The following ZC3HAV1L variants were observed in gnomAD, a reference collection of about 807,000 sequenced individuals.
ZC3HAV1L encodes zinc finger CCCH-type antiviral protein 1-like.
A neutral mutation model predicts 28.2 loss-of-function variants in ZC3HAV1L; 23 were observed. The observed-to-expected ratio is 0.82, with a 90% confidence interval of 0.59 to 1.16. The LOEUF is 1.16. Ranked by LOEUF, ZC3HAV1L falls within the 50% of genes most tolerant of loss-of-function variation. The pLI is 0.00. For synonymous variants in ZC3HAV1L, 180 were observed against 163.4 expected, an observed-to-expected ratio of 1.10 and a Z score of -0.78; for missense variants, 376 against 387.7, an observed-to-expected ratio of 0.97 and a Z score of 0.25.
chr7:139,024,270 T>C (rs1343055428), downstream of ZC3HAV1L, among the ~76,000 whole-genome samples: 4 of 152,102 alleles, frequency 2.6e-5, no homozygotes, highest in Non-Finnish European at 4.4e-5. Context: ...AAGATTAAAG[T>C]AGACTATTAT....
chr7:139,028,952 C>CA lies in ZC3HAV1L; in HGVS notation c.509dup (p.Leu170PhefsTer18), dbSNP rs776664474. Reference sequence around the variant, plus strand: ...ACAGGGCTTCCCCTTTGTTGTAGAGCAAACAGACCTGGTACAGAAATGAGG... The same window carrying CA: ...ACAGGGCTTCCCCTTTGTTGTAGAGCAAAACAGACCTGGTACAGAAATGAGG... On this transcript the variant is annotated frameshift_variant, in exon 3 of 5. Coordinates refer to ENST00000275766, the MANE Select transcript of ZC3HAV1L (RefSeq NM_080660.4). LOFTEE classifies it high-confidence loss of function. 19 of 1,612,802 alleles carry CA rather than the reference C, an allele frequency of 1.2e-5. No individual in the cohort carries two copies. The highest frequency in any genetic ancestry group is 1.6e-5 in the Non-Finnish European group (19 of 1,179,138).
downstream of ZC3HAV1L, among the ~76,000 whole-genome samples, chr7:139,024,351 A>C (rs575191044): frequency 5.3e-5 from 8 of 152,330 alleles, no homozygotes; most frequent in East Asian, 1.3e-3. Context: ...CATAATGATA[A>C]GATATAAAAA....
At chr7:139,032,529 CAGA>C (rs1460486061) in intron 2 of ZC3HAV1L, among the ~76,000 whole-genome samples, 1 of 126,276 alleles carries the variant, frequency 7.9e-6, no homozygotes, top group Non-Finnish European at 1.8e-5. Flanking sequence ...GAGGCTGAGG[CAGA>C]AGAATGGCAT....
chr7:139,030,830 A>AT (rs956321276), intron 2 of ZC3HAV1L, among the ~76,000 whole-genome samples: 6 of 49,946 alleles, frequency 1.2e-4, no homozygotes, highest in East Asian at 3.0e-4. Flanking sequence ...AAAAATAATA[A>AT]TAATTAATTA....
chr7:139,030,406 T>C (rs11772499), intron 2 of ZC3HAV1L, among the ~76,000 whole-genome samples: 73,711 of 151,796 alleles, frequency 0.49, 18,377 homozygotes, highest in Non-Finnish European at 0.53. Context: ...GATTGTGCCA[T>C]TGCACTCCAG....
At chr7:139,034,256 G>T in intron 2 of ZC3HAV1L, 1 of 854,202 alleles carries the variant, frequency 1.2e-6, no homozygotes, top group Non-Finnish European at 1.4e-6. Flanking sequence ...TAGCATCACT[G>T]TGCTAGATTA....
At chr7:139,023,190 A>G (rs911355918), downstream of ZC3HAV1L, among the ~76,000 whole-genome samples, 3 of 151,374 alleles carry the variant, frequency 2.0e-5, no homozygotes, top group Non-Finnish European at 4.4e-5. Context: ...AAGAAAAAAA[A>G]AAAAAAAAAA....
At chr7:139,032,856 T>C (rs1815575128) in intron 2 of ZC3HAV1L, among the ~76,000 whole-genome samples, 1 of 152,036 alleles carries the variant, frequency 6.6e-6, no homozygotes, top group African/African-American at 2.4e-5. Flanking sequence ...ATATAAAATT[T>C]TTATTTGTCA....
Position 139,035,718 on chromosome 7 carries a change from C to T in ZC3HAV1L, c.300G>A (p.Gln100=). The T allele has an allele frequency of 6.7e-7, 1 of 1,487,724 alleles. No homozygotes were observed. Among genetic ancestry groups the T allele is most frequent in the South Asian group, 1.3e-5 (1 of 78,916 alleles). 92.2% of individuals were successfully genotyped at this position (1,487,724 alleles called of 1,614,324 possible). Residue 100 remains glutamine (Q), a synonymous_variant, in exon 1 of 5, where the codon CAG becomes CAA. Coordinates refer to ENST00000275766, the MANE Select transcript of ZC3HAV1L (RefSeq NM_080660.4). ...LCARYQRGEC[Q]ACDQLHFCRR... is the part of the protein sequence containing the mutation. ...GGCAGAAGTGCAGCTGGTCGCAGGCCTGGCACTCGCCGCGCTGGTAGCGGG... is the reference window on the plus strand; with the variant it reads ...GGCAGAAGTGCAGCTGGTCGCAGGCTTGGCACTCGCCGCGCTGGTAGCGGG...
rs146611405 is a variant in ZC3HAV1L, at chr7:139,028,847, C to G, written c.615G>C (p.Gln205His). 1 of 1,614,142 alleles carries G rather than the reference C, an allele frequency of 6.2e-7. No homozygotes were observed. The highest frequency in any genetic ancestry group is 8.5e-7 in the Non-Finnish European group (1 of 1,180,030). The change falls in exon 3 of 5, where the codon CAG becomes CAC. Residue 205 changes from glutamine (Q) to histidine (H), a missense_variant. Physicochemically the swap from Gln to His is conservative, Grantham distance 24 (BLOSUM62 0). Coordinates refer to ENST00000275766, the MANE Select transcript of ZC3HAV1L (RefSeq NM_080660.4). ...TAAGCTGATGGGACCGTTTGCAGGT[C>G]TGAAGTTTGCATTCTCCTTTCACAA... ...KSFVKGECKLQTCKRSHQLIH... is the reference protein window; with the variant it reads ...KSFVKGECKLHTCKRSHQLIH...
intron 1 of ZC3HAV1L, 39 bp downstream of exon 1, chr7:139,035,614 G>C: frequency 7.4e-7 from 1 of 1,357,104 alleles, no homozygotes; most frequent in Non-Finnish European, 9.4e-7. Flanking sequence ...CAGGCCCGCG[G>C]CCAGCGCCCA....
chr7:139,035,656 C>G lies in ZC3HAV1L; in HGVS notation c.362G>C (p.Cys121Ser). 2.1e-6 allele frequency: 3 copies of G among 1,432,962 alleles called. No individual in the cohort carries two copies. The highest frequency in any genetic ancestry group is 2.7e-6 in the Non-Finnish European group (3 of 1,101,638). 88.8% of individuals were successfully genotyped at this position (1,432,962 alleles called of 1,614,324 possible). ...CCGCCCGCCGCCGCCTTCTCACCAG[C>G]AGTCCCGGTTGGGGCACTTGCCCAG... The part of the protein sequence containing the change: ...HMLGKCPNRD[C>S]WSTCTLSHDI... The change falls in exon 1 of 5, where the codon TGC (cysteine) becomes TCC (serine). Residue 121 changes from cysteine to serine, a missense_variant. By Grantham distance (112) the Cys-to-Ser change is moderately radical (BLOSUM62 -1). Transcript: ENST00000275766.
At chr7:139,028,222 A>G (rs1329675863) in intron 3 of ZC3HAV1L, among the ~76,000 whole-genome samples, 6 of 152,002 alleles carry the variant, frequency 3.9e-5, no homozygotes, top group Non-Finnish European at 7.4e-5. Flanking sequence ...AGAATACAAA[A>G]ATTAGCTGGG....
downstream of ZC3HAV1L, among the ~76,000 whole-genome samples, chr7:139,023,488 A>C (rs1815289374): frequency 6.6e-6 from 1 of 152,220 alleles, no homozygotes; most frequent in Non-Finnish European, 1.5e-5. Context: ...TCTTGCATCC[A>C]GTTCACTTCA....
Position 139,034,677 on chromosome 7 carries a change from A to C in ZC3HAV1L, c.367T>G (p.Ser123Ala). The change falls in exon 2 of 5, where the codon TCT becomes GCT. Residue 123 changes from serine (S) to alanine (A), a missense_variant and splice_region_variant. Ser to Ala is a moderately conservative substitution (Grantham distance 99). Transcript: ENST00000275766. ...ATATCATGGGAAAGGGTACAGGTAG[A>C]CCTAAAAGAACAAAGCCCTCGGTCA... The part of the protein sequence containing the change: ...LGKCPNRDCW[S>A]TCTLSHDIHT... The C allele has an allele frequency of 6.2e-7, 1 of 1,613,714 alleles. No individual in the cohort carries two copies. Among genetic ancestry groups the C allele is most frequent in the Non-Finnish European group, 8.5e-7 (1 of 1,179,716 alleles).
chr7:139,033,826 C>T, intron 2 of ZC3HAV1L: 1 of 985,472 alleles, frequency 1.0e-6, no homozygotes, highest in Non-Finnish European at 1.2e-6. Context: ...CTGGACCCAG[C>T]CTCATAGGTG....
chr7:139,036,019 G>A lies in ZC3HAV1L; in HGVS notation c.-2C>T. ...GGAGCACACTGTGGGCTCCGCCATG[G>A]TCGCTGGCGCGGGCCCTGTGCGCGC... is the stretch of plus-strand genomic sequence containing the variant. On this transcript the variant is annotated 5_prime_UTR_variant, in exon 1 of 5. Coordinates refer to ENST00000275766, the MANE Select transcript of ZC3HAV1L (RefSeq NM_080660.4). The A allele has an allele frequency of 6.7e-7, 1 of 1,503,212 alleles. No individual in the cohort carries two copies. The highest frequency in any genetic ancestry group is 8.8e-7 in the Non-Finnish European group (1 of 1,134,122). The allele number at this position is 1,503,212 out of a possible 1,614,324, so 93.1% of individuals were successfully genotyped here.
chr7:139,029,549 T>A (rs184103664), intron 2 of ZC3HAV1L, among the ~76,000 whole-genome samples: 3 of 152,292 alleles, frequency 2.0e-5, no homozygotes, highest in Non-Finnish European at 1.5e-5. Flanking sequence ...CTGTAGCCAA[T>A]GAATGACTTA....
intron 2 of ZC3HAV1L, among the ~76,000 whole-genome samples, chr7:139,029,298 C>A (rs1815455386): frequency 2.0e-5 from 3 of 152,136 alleles, no homozygotes; most frequent in South Asian, 2.1e-4. Flanking sequence ...GCCACCACAC[C>A]CGGCCAATAT....
Sources: allele counts gnomAD v4.1 joint callset (sites outside exome capture counted in the v4.1 genomes callset), GRCh38; gene constraint gnomAD v4.1.1; transcripts MANE v1.5; gene names NCBI Gene and HGNC (gene_info 2026-07-23, HGNC 2026-07-21).